The following GOSR2 variants were observed in gnomAD, a reference collection of about 807,000 sequenced individuals.
GOSR2 encodes golgi SNAP receptor complex member 2.
Under a neutral mutation model 27.9 loss-of-function variants are expected in GOSR2, and 20 were observed. That is an observed-to-expected ratio of 0.72 (90% confidence interval 0.50 to 1.04). The LOEUF (loss-of-function observed/expected upper bound fraction) is 1.04, where lower values mean the gene tolerates loss of function less well. Ranked by LOEUF, GOSR2 falls within the 50% of genes least tolerant of loss-of-function variation. The pLI is 0.00. For missense variants in GOSR2, 261 were observed against 270.5 expected (o/e 0.97, Z 0.25); for synonymous variants, 91 against 98.8 (o/e 0.92, Z 0.47).
chr17:46,962,351 C>T (rs1458828613), intron 6 of GOSR2, among the ~76,000 whole-genome samples: 5 of 149,698 alleles, frequency 3.3e-5, no homozygotes, highest in African/African-American at 7.4e-5. Flanking sequence ...AAGTATTGAT[C>T]AGTGTAGTAG....
intron 6 of GOSR2, among the ~76,000 whole-genome samples, chr17:46,958,415 G>C (rs1362016534): frequency 6.6e-6 from 1 of 152,222 alleles, no homozygotes; most frequent in Non-Finnish European, 1.5e-5. Context: ...AAACGTGTGT[G>C]GGGGCTCAGA....
Position 46,940,041 on chromosome 17 carries a change from C to A in GOSR2, c.*1281C>A. ...TTAACCCTACCTTTGGTTGTCCTGC[C>A]CTACCTGCTCTGTTAGTTTCTTGTT... On this transcript the variant is annotated 3_prime_UTR_variant, in exon 6 of 6. Coordinates refer to ENST00000640051, the MANE Select transcript of GOSR2 (RefSeq NM_004287.5). 9.4e-7 allele frequency: 1 copy of A among 1,059,446 alleles called. No individual in the cohort carries two copies. The highest frequency in any genetic ancestry group is 1.1e-6 in the Non-Finnish European group (1 of 875,362). The allele number at this position is 1,059,446 out of a possible 1,614,324, so 65.6% of individuals were successfully genotyped here. A position where few individuals can be genotyped will look rare whatever the true frequency, so the allele number is the denominator to read the frequency against.
At position 46,923,677 on chromosome 17, in the gene GOSR2, A is replaced by G. The variant is rs1012735631; in HGVS notation, c.29+456A>G. 3.5e-5 allele frequency: 30 copies of G among 851,446 alleles called. No individual in the cohort carries two copies. In the African/African-American group the frequency reaches 4.7e-4, roughly 13 times the overall value. 52.7% of individuals were successfully genotyped at this position (851,446 alleles called of 1,614,324 possible). ...TGTATTCTTATTCGATTTATACTAA[A>G]GACCACATTTTTATGGTACAAAGAA... On this transcript the variant is annotated intron_variant, in intron 1 of 5. Coordinates refer to ENST00000640051, the MANE Select transcript of GOSR2 (RefSeq NM_004287.5).
At chr17:46,926,049 C>G (rs1452551368) in intron 1 of GOSR2, among the ~76,000 whole-genome samples, 1 of 152,164 alleles carries the variant, frequency 6.6e-6, no homozygotes, top group Admixed American at 6.5e-5. Context: ...ACAAGAAGCA[C>G]TACATTTAAC....
chr17:46,923,305 CAG>C, intron 1 of GOSR2, 84 bp downstream of exon 1: 1 of 1,546,844 alleles, frequency 6.5e-7, no homozygotes, highest in Non-Finnish European at 8.7e-7. Flanking sequence ...CCTCGGACGT[CAG>C]CCAGGGTAGA....
In GOSR2 at chr17:46,939,492, G is replaced by A; in HGVS notation, c.*732G>A. On this transcript the variant is annotated 3_prime_UTR_variant, in exon 6 of 6. Transcript: ENST00000640051. ...TTTTCTAGTTGTTAATAGAGTGGTTGGCTTTTAAGGTTCAGAGACTGTGGC... is the reference window on the plus strand; with the variant it reads ...TTTTCTAGTTGTTAATAGAGTGGTTAGCTTTTAAGGTTCAGAGACTGTGGC... 1.1e-5 allele frequency: 11 copies of A among 986,342 alleles called. No individual in the cohort carries two copies. Among genetic ancestry groups the A allele is most frequent in the Non-Finnish European group, 1.3e-5 (11 of 830,588 alleles). The allele number at this position is 986,342 out of a possible 1,614,324, so 61.1% of individuals were successfully genotyped here.
downstream of GOSR2, among the ~76,000 whole-genome samples, chr17:46,945,882 G>A (rs1005348584): frequency 6.6e-5 from 10 of 152,162 alleles, no homozygotes; most frequent in Non-Finnish European, 1.0e-4. Context: ...GATCGCTGCC[G>A]GGTGCTGTCC....
In GOSR2 at chr17:46,939,328, C is replaced by T. The variant is rs2088928013; in HGVS notation, c.*568C>T. 9.9e-7 allele frequency: 1 copy of T among 1,011,898 alleles called. No individual in the cohort carries two copies. The highest frequency in any genetic ancestry group is 5.1e-5 in the Admixed American group (1 of 19,760). 62.7% of individuals were successfully genotyped at this position (1,011,898 alleles called of 1,614,324 possible). ...ACTTGTCACCATTCCCTGGAAGCAGCTACCTAGGGGAAACAAGATGTAGTG... is the reference window on the plus strand; with the variant it reads ...ACTTGTCACCATTCCCTGGAAGCAGTTACCTAGGGGAAACAAGATGTAGTG... On this transcript the variant is annotated 3_prime_UTR_variant, in exon 6 of 6. Transcript: ENST00000640051.
chr17:46,944,005 G>A (rs991533345), downstream of GOSR2, among the ~76,000 whole-genome samples: 6 of 152,180 alleles, frequency 3.9e-5, no homozygotes, highest in Non-Finnish European at 8.8e-5. Context: ...TCCTGGCTTA[G>A]CAATTCCATT....
At chr17:46,956,072 G>C (rs1355547969) in intron 6 of GOSR2, among the ~76,000 whole-genome samples, 1 of 152,146 alleles carries the variant, frequency 6.6e-6, no homozygotes, top group Non-Finnish European at 1.5e-5. Context: ...CATAGAGATG[G>C]AGAGTGGGAG....
At chr17:46,972,971 T>C (rs571349565) in intron 6 of GOSR2, 1 of 153,686 alleles carries the variant, frequency 6.5e-6, no homozygotes, top group East Asian at 2.0e-4. Context: ...TAAAACTTCT[T>C]GTAGTATTCC....
At chr17:46,974,058 T>C (rs2091420981) in intron 6 of GOSR2, among the ~76,000 whole-genome samples, 1 of 152,162 alleles carries the variant, frequency 6.6e-6, no homozygotes, top group Non-Finnish European at 1.5e-5. Context: ...GTGGATGTGG[T>C]GATGTAAGCC....
Position 46,923,238 on chromosome 17 carries a change from G to A in GOSR2, c.29+17G>A, listed in dbSNP as rs959903813. 2 of 1,551,036 alleles carry A rather than the reference G, an allele frequency of 1.3e-6. No homozygotes were observed. Among genetic ancestry groups the A allele is most frequent in the South Asian group, 1.2e-5 (1 of 84,048 alleles). On this transcript the variant is annotated intron_variant, in intron 1 of 5. Transcript: ENST00000640051. ...AACGCACAAGTGAGGGCCGGTCGGG[G>A]AGCGGGCAGGGGCTAGACGAGGCGA...
intron 6 of GOSR2, among the ~76,000 whole-genome samples, chr17:46,948,105 T>A (rs1188682189): frequency 6.6e-6 from 1 of 152,162 alleles, no homozygotes; most frequent in African/African-American, 2.4e-5. Context: ...AGAAGACCTT[T>A]AGTGATTGGA....
At chr17:46,924,251 A>G (rs113667388) in intron 1 of GOSR2, 1 of 168,506 alleles carries the variant, frequency 5.9e-6, no homozygotes, top group Admixed American at 6.4e-5. Flanking sequence ...ATTTCACTTA[A>G]TGTTTTCAGG....
At chr17:46,929,368 G>T (rs545760997) in intron 1 of GOSR2, 152 bp from the exon 2 acceptor site, 2 of 683,820 alleles carry the variant, frequency 2.9e-6, no homozygotes, top group Non-Finnish European at 5.4e-6. Context: ...ATGCCAAAAC[G>T]TGGGACCTAA....
rs1213065392 is a variant in GOSR2, at chr17:46,941,012, G to A, written c.*2252G>A. The A allele has an allele frequency of 4.5e-6, 5 of 1,119,656 alleles. No individual in the cohort carries two copies. The Admixed American group carries it at 2.2e-4, about 48-fold the overall frequency. The allele number at this position is 1,119,656 out of a possible 1,614,324, so 69.4% of individuals were successfully genotyped here. On this transcript the variant is annotated 3_prime_UTR_variant, in exon 6 of 6. Transcript: ENST00000640051. Reference sequence around the variant, plus strand: ...AGGGAAGGAGCACCCTCTAGTGGAGGCGGGGGTGAATTCTTAGGTCGAGCT... The same window carrying A: ...AGGGAAGGAGCACCCTCTAGTGGAGACGGGGGTGAATTCTTAGGTCGAGCT...
In GOSR2 at chr17:46,940,732, A is replaced by T; in HGVS notation, c.*1972A>T. The T allele has an allele frequency of 1.3e-6, 2 of 1,586,742 alleles. No homozygotes were observed. The highest frequency in any genetic ancestry group is 1.7e-6 in the Non-Finnish European group (2 of 1,170,850). Reference sequence around the variant, plus strand: ...CCACACTTGACAGTGGTTGGCTTTGATGAACCCTCATGCTGCACCTTCAGA... The same window carrying T: ...CCACACTTGACAGTGGTTGGCTTTGTTGAACCCTCATGCTGCACCTTCAGA... On this transcript the variant is annotated 3_prime_UTR_variant, in exon 6 of 6. Transcript: ENST00000640051.
intron 6 of GOSR2, among the ~76,000 whole-genome samples, chr17:46,962,153 C>A (rs1027145762): frequency 6.6e-6 from 1 of 152,044 alleles, no homozygotes; most frequent in African/African-American, 2.4e-5. Context: ...TGGTGAAACC[C>A]TGTCTCTACT....
Sources: gnomAD v4.1 joint callset for allele counts (sites outside exome capture counted in the v4.1 genomes callset) on GRCh38, gnomAD v4.1.1 for gene constraint, MANE v1.5 for transcripts, NCBI Gene and HGNC (gene_info 2026-07-23, HGNC 2026-07-21) for gene names.